Variants in RMDN2 observed in about 807,000 individuals in gnomAD.
The protein encoded by RMDN2 is regulator of microtubule dynamics 2.
RMDN2 carries 61 observed loss-of-function variants against 52.8 expected under a neutral mutation model. The ratio of observed to expected loss-of-function variants is 1.16; its 90% confidence interval spans 0.94 to 1.43. RMDN2 has a LOEUF of 1.43. RMDN2 is among the 40% of genes most tolerant of loss of function. The pLI, the probability that RMDN2 is intolerant of heterozygous loss-of-function variation, is 0.00. For synonymous variants in RMDN2, 180 were observed against 153.1 expected, an observed-to-expected ratio of 1.18 and a Z score of -1.30; for missense variants, 592 against 475.3, an observed-to-expected ratio of 1.25 and a Z score of -2.28.
chr2:38,023,729 T>C (rs1039754332), intron 10 of RMDN2, among the ~76,000 whole-genome samples: 1 of 152,246 alleles, frequency 6.6e-6, no homozygotes, highest in Non-Finnish European at 1.5e-5. Context: ...CCTCAACCTA[T>C]GTTTTGCTTT....
chr2:38,014,562 A>C (rs1474543244), intron 10 of RMDN2, among the ~76,000 whole-genome samples: 1 of 152,230 alleles, frequency 6.6e-6, no homozygotes, highest in East Asian at 1.9e-4. Flanking sequence ...GGTGTGTGAT[A>C]GTCACTACCC....
chr2:38,004,567 C>T (rs910707876), intron 10 of RMDN2, among the ~76,000 whole-genome samples: 6 of 152,086 alleles, frequency 3.9e-5, no homozygotes, highest in Non-Finnish European at 5.9e-5. Flanking sequence ...TCCTTTAAAT[C>T]TCCAGAACCT....
chr2:38,000,139 A>G (rs2125173569), intron 8 of RMDN2, among the ~76,000 whole-genome samples: 1 of 152,268 alleles, frequency 6.6e-6, no homozygotes, highest in Admixed American at 6.5e-5. Context: ...TGGTTTAGAC[A>G]CCTGTAGGAG....
chr2:38,057,596 A>T lies in RMDN2; in HGVS notation c.1714-9386A>T, dbSNP rs1001260614. 2.6e-5 allele frequency among the ~76,000 whole-genome samples: 4 copies of T among 152,212 alleles called. No individual in the cohort carries two copies. In the South Asian group the frequency reaches 8.3e-4, roughly 32 times the overall value. On this transcript the variant is annotated intron_variant, in intron 10 of 10. Transcript: ENST00000234195. ...CCTGATATAGAAACCACTTTATTTG[A>T]TATGGTTTAGATCTATGTCCCCACT... is the stretch of plus-strand genomic sequence containing the variant.
chr2:38,032,198 A>G (rs1169248471), intron 10 of RMDN2, among the ~76,000 whole-genome samples: 1 of 152,188 alleles, frequency 6.6e-6, no homozygotes, highest in Non-Finnish European at 1.5e-5. Context: ...CACAACCAAC[A>G]TATAGAGCAT....
intron 7 of RMDN2, among the ~76,000 whole-genome samples, chr2:37,992,882 A>G (rs1453583913): frequency 2.0e-5 from 3 of 152,144 alleles, no homozygotes; most frequent in African/African-American, 7.2e-5. Context: ...AAGCAGGAGA[A>G]CAGGATTCAA....
chr2:37,949,329 T>C (rs562852516), intron 2 of RMDN2, among the ~76,000 whole-genome samples: 150 of 152,234 alleles, frequency 9.9e-4, no homozygotes, highest in Non-Finnish European at 9.4e-4. Context: ...ATTTGCTTAC[T>C]ACTTGCTATA....
At chr2:38,004,854 C>G (rs575822467) in intron 10 of RMDN2, among the ~76,000 whole-genome samples, 167 of 152,090 alleles carry the variant, frequency 1.1e-3, no homozygotes, top group African/African-American at 3.9e-3. Flanking sequence ...CCCACTCCCC[C>G]CACCCCACAA....
chr2:38,034,601 CA>C (rs1209195726), intron 10 of RMDN2, among the ~76,000 whole-genome samples: 4 of 151,810 alleles, frequency 2.6e-5, no homozygotes, highest in African/African-American at 4.8e-5. Flanking sequence ...TTGTGGTAAA[CA>C]ATGATATTTT....
intron 2 of RMDN2, among the ~76,000 whole-genome samples, chr2:37,946,258 G>A (rs992239795): frequency 2.0e-5 from 3 of 152,140 alleles, no homozygotes; most frequent in Non-Finnish European, 4.4e-5. Flanking sequence ...GGTTGGAGGT[G>A]TAGGGGGTTG....
intron 10 of RMDN2, among the ~76,000 whole-genome samples, chr2:38,063,286 C>A (rs949968908): frequency 6.6e-5 from 10 of 152,138 alleles, no homozygotes; most frequent in Non-Finnish European, 1.2e-4. Flanking sequence ...CCTGTTGTTT[C>A]CTGACTTTTT....
chr2:38,028,760 G>A (rs888737378), intron 10 of RMDN2, among the ~76,000 whole-genome samples: 1 of 152,150 alleles, frequency 6.6e-6, no homozygotes, highest in Non-Finnish European at 1.5e-5. Flanking sequence ...CCCAGTAAGA[G>A]CCTTAGTCAC....
chr2:37,963,408 C>T (rs1193061646), intron 2 of RMDN2, among the ~76,000 whole-genome samples: 1 of 148,418 alleles, frequency 6.7e-6, no homozygotes, highest in Non-Finnish European at 1.5e-5. Flanking sequence ...GAGGGAAGGT[C>T]AGCAGATAAA....
At chr2:37,972,609 G>A (rs1671951326) in intron 2 of RMDN2, among the ~76,000 whole-genome samples, 1 of 152,166 alleles carries the variant, frequency 6.6e-6, no homozygotes, top group Non-Finnish European at 1.5e-5. Flanking sequence ...AGTTATTCTT[G>A]CTACTCTGTT....
At chr2:38,028,829 C>T (rs1679972104) in intron 10 of RMDN2, among the ~76,000 whole-genome samples, 1 of 152,134 alleles carries the variant, frequency 6.6e-6, no homozygotes, top group Non-Finnish European at 1.5e-5. Context: ...CCTTGGGGGT[C>T]AAGGTCAGGG....
intron 2 of RMDN2, among the ~76,000 whole-genome samples, chr2:37,940,160 T>C (rs1381685218): frequency 2.0e-5 from 3 of 152,232 alleles, no homozygotes; most frequent in Non-Finnish European, 1.5e-5. Flanking sequence ...TGGCTCGATA[T>C]GAAGTTCTGG....
At chr2:37,924,479 C>T (rs987501792), upstream of RMDN2, among the ~76,000 whole-genome samples, 2 of 152,238 alleles carry the variant, frequency 1.3e-5, no homozygotes, top group African/African-American at 4.8e-5. Flanking sequence ...ATTCTCCTGC[C>T]TCATCCTCCC....
At chr2:37,941,101 T>G (rs1558446545) in intron 2 of RMDN2, among the ~76,000 whole-genome samples, 1 of 152,238 alleles carries the variant, frequency 6.6e-6, no homozygotes, top group East Asian at 1.9e-4. Flanking sequence ...TTTCTTGATG[T>G]TGATGCTGTT....
intron 6 of RMDN2, among the ~76,000 whole-genome samples, chr2:37,990,540 A>AAAAAC: frequency 6.6e-6 from 1 of 150,454 alleles, no homozygotes; most frequent in Non-Finnish European, 1.5e-5. Context: ...AAAAAAAAAA[A>AAAAAC]AAAGGCCTTT....
Sources: gnomAD v4.1 joint callset for allele counts (sites outside exome capture counted in the v4.1 genomes callset) on GRCh38, gnomAD v4.1.1 for gene constraint, MANE v1.5 for transcripts, NCBI Gene and HGNC (gene_info 2026-07-23, HGNC 2026-07-21) for gene names.